GSE1: variants seen among roughly 807,000 people sequenced by gnomAD.
The protein encoded by GSE1 is genetic suppressor element 1.
In GSE1, 32 loss-of-function variants were observed where a neutral mutation model predicts 112.6. The ratio of observed to expected loss-of-function variants is 0.28; its 90% confidence interval spans 0.21 to 0.38. The LOEUF (loss-of-function observed/expected upper bound fraction) is 0.38. Ranked by LOEUF, GSE1 falls within the 10% of genes least tolerant of loss-of-function variation. The probability of loss-of-function intolerance (pLI) is 1.00; values close to 1 mark genes in which losing one functional copy is unlikely to be tolerated. For missense variants in GSE1, 2,348 were observed against 1,699.2 expected, an observed-to-expected ratio of 1.38 and a Z score of -6.71; for synonymous variants, 1,115 against 735.6, an observed-to-expected ratio of 1.52 and a Z score of -8.35.
In GSE1 at chr16:85,440,036, A is replaced by G. The variant is rs184768642; in HGVS notation, c.2464+82393A>G. Among the ~76,000 whole-genome samples, 26 of 152,364 alleles carry G rather than the reference A, an allele frequency of 1.7e-4. No homozygotes were observed. The East Asian group carries it at 4.8e-3, about 28-fold the overall frequency. Reference sequence around the variant, plus strand: ...ACAGACTGCACAGAGCTCCACAGACATACACTTGCACCTTCGGGTTTAAGC... The same window carrying G: ...ACAGACTGCACAGAGCTCCACAGACGTACACTTGCACCTTCGGGTTTAAGC... On this transcript the variant is annotated intron_variant, in intron 2 of 2. Transcript: ENST00000637419.
chr16:85,493,874 G>A (rs1001126729), intron 2 of GSE1, among the ~76,000 whole-genome samples: 2 of 151,636 alleles, frequency 1.3e-5, no homozygotes, highest in African/African-American at 4.9e-5. Context: ...GAGCTCAGGA[G>A]TTCAAAACCA....
rs2052573769 is a variant in GSE1 at position 85,663,195 on chromosome 16, C to A, written c.2373+102C>A. The stretch of plus-strand genomic sequence containing the variant: ...CACTGTTGCTAGGTTCCTCCGAAGT[C>A]CTGGCGGGTTCGCCCCATGAAGCTC... On this transcript the variant is annotated intron_variant, in intron 10 of 15. Transcript: ENST00000253458. 2.4e-6 allele frequency: 3 copies of A among 1,262,002 alleles called. No homozygotes were observed. The East Asian group carries it at 6.9e-5, about 29-fold the overall frequency. 78.2% of individuals were successfully genotyped at this position (1,262,002 alleles called of 1,614,324 possible). A position where few individuals can be genotyped will look rare whatever the true frequency, so the allele number is the denominator to read the frequency against.
intron 1 of GSE1, chr16:85,208,023 TG>T (rs532084002): frequency 4.7e-5 from 7 of 148,668 alleles, no homozygotes; most frequent in Admixed American, 6.7e-5. Flanking sequence ...AGAGGAAGTT[TG>T]GGGGGGGTGC....
At chr16:85,506,614 C>T (rs933019303) in intron 2 of GSE1, among the ~76,000 whole-genome samples, 3 of 152,018 alleles carry the variant, frequency 2.0e-5, no homozygotes, top group South Asian at 2.1e-4. Flanking sequence ...AACGCACTCT[C>T]ATGGGTCGGG....
At chr16:85,510,063 G>A (rs985824922) in intron 2 of GSE1, among the ~76,000 whole-genome samples, 2 of 152,214 alleles carry the variant, frequency 1.3e-5, no homozygotes, top group African/African-American at 2.4e-5. Flanking sequence ...CTGAGCAGGT[G>A]GGGCCCCGGG....
At chr16:85,415,977 A>T (rs780474433) in intron 2 of GSE1, among the ~76,000 whole-genome samples, 3 of 152,212 alleles carry the variant, frequency 2.0e-5, no homozygotes, top group Non-Finnish European at 4.4e-5. Flanking sequence ...GGATACATTA[A>T]ATACACTTTA....
At chr16:85,215,840 C>T (rs1366352367) in intron 1 of GSE1, among the ~76,000 whole-genome samples, 27 of 152,140 alleles carry the variant, frequency 1.8e-4, no homozygotes, top group Non-Finnish European at 2.9e-5. Flanking sequence ...TTCCCCCGTC[C>T]CCACCGTAAC....
chr16:85,316,519 T>C (rs2045989074), intron 1 of GSE1, among the ~76,000 whole-genome samples: 1 of 152,172 alleles, frequency 6.6e-6, no homozygotes, highest in African/African-American at 2.4e-5. Context: ...CAGCAGGCTT[T>C]GATCTGAGGT....
At chr16:85,495,998 G>C (rs906217724) in intron 2 of GSE1, among the ~76,000 whole-genome samples, 1 of 152,188 alleles carries the variant, frequency 6.6e-6, no homozygotes, top group Non-Finnish European at 1.5e-5. Flanking sequence ...GCCGCGGGGG[G>C]ACCTGCCTCA....
chr16:85,372,640 T>C, intron 2 of GSE1, among the ~76,000 whole-genome samples: 1 of 152,174 alleles, frequency 6.6e-6, no homozygotes, highest in East Asian at 1.9e-4. Flanking sequence ...GTGCAACCCG[T>C]CAAGGAGTCT....
intron 2 of GSE1, among the ~76,000 whole-genome samples, chr16:85,416,928 C>T (rs963789949): frequency 2.6e-4 from 40 of 152,150 alleles, no homozygotes; most frequent in South Asian, 4.1e-4. Flanking sequence ...CGATCATGGT[C>T]GCTGCAGCCT....
chr16:85,572,178 ACAC>A (rs2046017063), intron 1 of GSE1, among the ~76,000 whole-genome samples: 1 of 148,854 alleles, frequency 6.7e-6, no homozygotes, highest in African/African-American at 2.5e-5. Flanking sequence ...TACTACACAC[ACAC>A]CACATACTAC....
chr16:85,356,245 C>T (rs548614958), intron 1 of GSE1, among the ~76,000 whole-genome samples: 8 of 152,322 alleles, frequency 5.3e-5, no homozygotes, highest in South Asian at 4.1e-4. Context: ...AGTTCTTGCT[C>T]GCCTCGGGAC....
chr16:85,479,603 T>C (rs2050609607), intron 2 of GSE1, among the ~76,000 whole-genome samples: 1 of 152,122 alleles, frequency 6.6e-6, no homozygotes, highest in Non-Finnish European at 1.5e-5. Context: ...CGTGCCTGGC[T>C]TATATGAGTT....
upstream of GSE1, chr16:85,555,195 G>C (rs2151256065): frequency 1.0e-6 from 1 of 985,390 alleles, no homozygotes. Flanking sequence ...CAGGCAGCCA[G>C]CTTTCCAATT....
rs533754397 is a variant in GSE1 at position 85,654,389 on chromosome 16, C to A, written c.538C>A (p.Pro180Thr). 4 of 1,609,056 alleles carry A rather than the reference C, an allele frequency of 2.5e-6. No individual in the cohort carries two copies. Among genetic ancestry groups the A allele is most frequent in the Non-Finnish European group, 3.4e-6 (4 of 1,177,994 alleles). Residue 180 changes from proline (P) to threonine (T), a missense_variant, in exon 4 of 16, where the codon CCC becomes ACC. Physicochemically the swap from Pro to Thr is conservative, Grantham distance 38 (BLOSUM62 -1). Coordinates refer to ENST00000253458, the MANE Select transcript of GSE1 (RefSeq NM_014615.5). ...CATCCCCTCGCACCTGCTCAGCACC[C>A]CCTACCCCTTCGGCCTCTCCCCCAG... ...PAIPSHLLST[P>T]YPFGLSPSSV...
upstream of GSE1, among the ~76,000 whole-genome samples, chr16:85,611,828 G>A (rs947718246): frequency 6.6e-6 from 1 of 151,360 alleles, no homozygotes; most frequent in Non-Finnish European, 1.5e-5. Flanking sequence ...GGCGCCCAGC[G>A]CTCGCTCCCG....
chr16:85,234,914 T>C lies in GSE1; in HGVS notation c.2283+63107T>C, dbSNP rs181926639. Among the ~76,000 whole-genome samples the C allele has an allele frequency of 9.5e-3, 1,441 of 152,218 alleles. 11 individuals carry two copies. Among genetic ancestry groups the C allele is most frequent in the Non-Finnish European group, 0.015 (1,005 of 67,982 alleles). ...AAACAAAGGCGGCTGCCGGCGCCTT[T>C]ATCTACTGCGGAGGGGCGGGGGTTG... On this transcript the variant is annotated intron_variant, in intron 1 of 2. Coordinates refer to the GSE1 transcript ENST00000637419.
chr16:85,654,582 C>G, intron 4 of GSE1, 132 bp downstream of exon 4: 1 of 833,766 alleles, frequency 1.2e-6, no homozygotes, highest in East Asian at 2.6e-5. Context: ...CCGCTGAGCC[C>G]TGGGGATTGC....
Sources: gnomAD v4.1 joint callset for allele counts (sites outside exome capture counted in the v4.1 genomes callset) on GRCh38, gnomAD v4.1.1 for gene constraint, MANE v1.5 for transcripts, NCBI Gene and HGNC (gene_info 2026-07-23, HGNC 2026-07-21) for gene names.